The following AUTS2 variants were observed in gnomAD, a reference collection of about 807,000 sequenced individuals.
AUTS2 encodes the protein activator of transcription and developmental regulator AUTS2, also known as autism susceptibility gene 2 protein.
In AUTS2, 17 loss-of-function variants were observed where a neutral mutation model predicts 112.4. The observed-to-expected ratio is 0.15, with a 90% CI of 0.10 to 0.23. The LOEUF (loss-of-function observed/expected upper bound fraction) is 0.23. AUTS2 is among the 10% of genes least tolerant of loss of function. The pLI, the probability that AUTS2 is intolerant of heterozygous loss-of-function variation, is 1.00. For missense variants in AUTS2, 1,510 were observed against 1,701.6 expected (o/e 0.89, Z 1.98); for synonymous variants, 751 against 702.7 (o/e 1.07, Z -1.09).
At chr7:70,374,130 G>A (rs1459679132) in intron 4 of AUTS2, among the ~76,000 whole-genome samples, 5 of 152,130 alleles carry the variant, frequency 3.3e-5, no homozygotes, top group Admixed American at 6.5e-5. Flanking sequence ...CTTTAGGAAA[G>A]CTCTGAGAAG....
intron 1 of AUTS2, among the ~76,000 whole-genome samples, chr7:69,852,431 T>C (rs1227005565): frequency 6.6e-6 from 1 of 152,014 alleles, no homozygotes; most frequent in Non-Finnish European, 1.5e-5. Context: ...CTGCTTTCCC[T>C]GTTTTCTTTT....
intron 4 of AUTS2, among the ~76,000 whole-genome samples, chr7:70,369,075 A>C (rs1008125971): frequency 6.6e-6 from 1 of 152,170 alleles, no homozygotes; most frequent in South Asian, 2.1e-4. Flanking sequence ...TAATTTTCCC[A>C]AGAGAGCGAT....
chr7:69,689,343 ATT>A (rs530444257), intron 1 of AUTS2, among the ~76,000 whole-genome samples: 306 of 102,460 alleles, frequency 3.0e-3, no homozygotes, highest in East Asian at 9.1e-3. Context: ...TAATTAATTA[ATT>A]TTTTTTTTTT....
At chr7:69,764,812 T>C (rs2129290282) in intron 1 of AUTS2, among the ~76,000 whole-genome samples, 1 of 152,312 alleles carries the variant, frequency 6.6e-6, no homozygotes, top group East Asian at 1.9e-4. Flanking sequence ...GTTCTTGACC[T>C]TGGGCTCTGG....
At position 70,112,204 on chromosome 7, in the gene AUTS2, G is replaced by A. The variant is rs563858022; in HGVS notation, c.523-5928G>A. On this transcript the variant is annotated intron_variant, in intron 2 of 18. Transcript: ENST00000342771. ...TTCATTTTCTTAATTTTTAAATGTTGTATGTGTGATTTTGTCTTTTACCCA... is the reference window on the plus strand; with the variant it reads ...TTCATTTTCTTAATTTTTAAATGTTATATGTGTGATTTTGTCTTTTACCCA... 4.2e-3 allele frequency among the ~76,000 whole-genome samples: 637 copies of A among 151,694 alleles called. 3 individuals are homozygous for A. The highest frequency in any genetic ancestry group is 7.2e-3 in the Non-Finnish European group (488 of 67,816).
At chr7:69,789,206 A>G (rs1789509040) in intron 1 of AUTS2, among the ~76,000 whole-genome samples, 1 of 152,112 alleles carries the variant, frequency 6.6e-6, no homozygotes, top group African/African-American at 2.4e-5. Flanking sequence ...TGTGTGGACA[A>G]TTTCCATTCA....
intron 5 of AUTS2, among the ~76,000 whole-genome samples, chr7:70,475,248 G>A (rs1414975670): frequency 1.3e-5 from 2 of 152,170 alleles, no homozygotes; most frequent in African/African-American, 2.4e-5. Context: ...TGAGGAGGCG[G>A]GGAACTGGTT....
At chr7:70,625,028 T>G (rs1168290060) in intron 5 of AUTS2, among the ~76,000 whole-genome samples, 1 of 152,026 alleles carries the variant, frequency 6.6e-6, no homozygotes, top group Non-Finnish European at 1.5e-5. Context: ...ATCACTGAGG[T>G]TGAGTCCATT....
At chr7:70,433,971 G>A (rs1033799145) in intron 4 of AUTS2, among the ~76,000 whole-genome samples, 2 of 152,188 alleles carry the variant, frequency 1.3e-5, no homozygotes, top group Admixed American at 1.3e-4. Context: ...GCTGCCCTGA[G>A]ATGGGTTCAG....
At chr7:70,075,952 G>A (rs1382782497) in intron 2 of AUTS2, among the ~76,000 whole-genome samples, 1 of 152,110 alleles carries the variant, frequency 6.6e-6, no homozygotes, top group Non-Finnish European at 1.5e-5. Flanking sequence ...TACAGTCTCT[G>A]GTACAGCTAC....
At chr7:70,489,480 C>A (rs868421374) in intron 5 of AUTS2, among the ~76,000 whole-genome samples, 1 of 152,144 alleles carries the variant, frequency 6.6e-6, no homozygotes, top group Admixed American at 6.5e-5. Flanking sequence ...GTAAACCCCC[C>A]CAGAATGTGT....
intron 1 of AUTS2, among the ~76,000 whole-genome samples, chr7:69,736,228 A>G (rs1159854728): frequency 6.6e-6 from 1 of 152,072 alleles, no homozygotes; most frequent in Non-Finnish European, 1.5e-5. Flanking sequence ...TTCATGCCTC[A>G]CACCACCTCC....
At chr7:69,727,473 C>T (rs1786572205) in intron 1 of AUTS2, among the ~76,000 whole-genome samples, 1 of 152,044 alleles carries the variant, frequency 6.6e-6, no homozygotes, top group African/African-American at 2.4e-5. Context: ...ACCTGTAATC[C>T]CAGCTACATG....
rs1789695788 is a variant in AUTS2, at chr7:70,763,297, A to T, written c.1170A>T (p.Pro390=). 6.2e-7 allele frequency: 1 copy of T among 1,603,076 alleles called. No homozygotes were observed. Among genetic ancestry groups the T allele is most frequent in the Non-Finnish European group, 8.5e-7 (1 of 1,173,692 alleles). Residue 390 remains proline, a synonymous_variant, in exon 7 of 19, where the codon CCA becomes CCT. Coordinates refer to ENST00000342771, the MANE Select transcript of AUTS2 (RefSeq NM_015570.4). ...CCTCTGCTCAGAGCCTCTCCCAGCC[A>T]TTGTCAGCCTACAACAGCAGTAGCT... ...AHPSAQSLSQ[P]LSAYNSSSLS...
intron 1 of AUTS2, among the ~76,000 whole-genome samples, chr7:69,777,605 T>G (rs1788950828): frequency 1.3e-5 from 2 of 152,236 alleles, no homozygotes; most frequent in Non-Finnish European, 2.9e-5. Flanking sequence ...TATTTATTTC[T>G]TCAACTATGC....
chr7:70,431,049 G>A (rs1462746094), intron 4 of AUTS2, among the ~76,000 whole-genome samples: 5 of 152,022 alleles, frequency 3.3e-5, no homozygotes, highest in Non-Finnish European at 7.4e-5. Flanking sequence ...GTTTTAGCCG[G>A]GATGGTCTCG....
At chr7:70,266,903 G>C (rs1218534096) in intron 4 of AUTS2, among the ~76,000 whole-genome samples, 1 of 152,148 alleles carries the variant, frequency 6.6e-6, no homozygotes, top group East Asian at 1.9e-4. Context: ...TCCATGTTGT[G>C]TTACCCGCTT....
At chr7:70,332,565 C>G (rs1260987915) in intron 4 of AUTS2, among the ~76,000 whole-genome samples, 2 of 152,180 alleles carry the variant, frequency 1.3e-5, no homozygotes, top group Non-Finnish European at 2.9e-5. Flanking sequence ...TCAAACTATA[C>G]TACAAGGCTA....
chr7:70,112,502 T>G (rs1805137937), intron 2 of AUTS2, among the ~76,000 whole-genome samples: 1 of 152,036 alleles, frequency 6.6e-6, no homozygotes, highest in Non-Finnish European at 1.5e-5. Flanking sequence ...TTTCATTGTT[T>G]TGTTTTCTTG....
Sources: gnomAD v4.1 joint callset for allele counts (sites outside exome capture counted in the v4.1 genomes callset) on GRCh38, gnomAD v4.1.1 for gene constraint, MANE v1.5 for transcripts, NCBI Gene and HGNC (gene_info 2026-07-23, HGNC 2026-07-21) for gene names.